Variants in SLC25A32 observed in about 807,000 individuals in gnomAD.
SLC25A32 encodes the protein solute carrier family 25 member 32.
SLC25A32 carries 32 observed loss-of-function variants against 39.0 expected under a neutral mutation model. The observed-to-expected ratio is 0.82, with a 90% CI of 0.62 to 1.10. The LOEUF (loss-of-function observed/expected upper bound fraction) is 1.10, where lower values mean the gene tolerates loss of function less well. SLC25A32 is among the 50% of genes least tolerant of loss of function. The pLI, the probability that SLC25A32 is intolerant of heterozygous loss-of-function variation, is 0.00. For missense variants in SLC25A32, 367 were observed against 395.3 expected (o/e 0.93, Z 0.61); for synonymous variants, 166 against 152.4 (o/e 1.09, Z -0.66).
intron 2 of SLC25A32, among the ~76,000 whole-genome samples, chr8:103,406,681 T>C (rs567917292): frequency 6.6e-6 from 1 of 152,346 alleles, no homozygotes; most frequent in African/African-American, 2.4e-5. Flanking sequence ...TCAAACCCTT[T>C]AGGCCATGCA....
At chr8:103,407,867 T>C in intron 1 of SLC25A32, 83 bp from the exon 2 acceptor site, 4 of 1,156,900 alleles carry the variant, frequency 3.5e-6, no homozygotes, top group East Asian at 2.7e-5. Context: ...GTACAATTGG[T>C]TATATAAAGG....
intron 3 of SLC25A32, among the ~76,000 whole-genome samples, 163 bp from the exon 4 acceptor site, chr8:103,403,487 T>C (rs1816264259): frequency 6.6e-6 from 1 of 152,066 alleles, no homozygotes; most frequent in Admixed American, 6.6e-5. Flanking sequence ...GGCACAGTCT[T>C]AGGGTCAAAA....
At chr8:103,411,078 A>G (rs1816453931) in intron 1 of SLC25A32, among the ~76,000 whole-genome samples, 1 of 152,232 alleles carries the variant, frequency 6.6e-6, no homozygotes, top group East Asian at 1.9e-4. Flanking sequence ...AATTGAAAAC[A>G]AATATAAATG....
At chr8:103,407,159 A>G (rs1057470500) in intron 2 of SLC25A32, among the ~76,000 whole-genome samples, 1 of 152,230 alleles carries the variant, frequency 6.6e-6, no homozygotes, top group Non-Finnish European at 1.5e-5. Context: ...AACACCTAAT[A>G]AAACACCGAT....
At chr8:103,404,564 C>T (rs1468372099) in intron 3 of SLC25A32, among the ~76,000 whole-genome samples, 1 of 151,636 alleles carries the variant, frequency 6.6e-6, no homozygotes, top group Non-Finnish European at 1.5e-5. Context: ...CACCGCACTC[C>T]AGCCTGGGCG....
intron 4 of SLC25A32, 72 bp from the exon 5 acceptor site, chr8:103,402,126 T>C: frequency 1.1e-6 from 1 of 947,968 alleles, no homozygotes; most frequent in Non-Finnish European, 1.6e-6. Flanking sequence ...TAAAATACTT[T>C]CTCTTCTCTC....
chr8:103,411,537 T>G (rs939488591), intron 1 of SLC25A32, among the ~76,000 whole-genome samples: 2 of 152,174 alleles, frequency 1.3e-5, no homozygotes, highest in Admixed American at 1.3e-4. Flanking sequence ...CTCTCTTTCT[T>G]AGGAACCCCT....
rs58554324 is a variant in SLC25A32, at chr8:103,407,970, T to C, written c.155-186A>G. Among the ~76,000 whole-genome samples the C allele has an allele frequency of 3.4e-5, 5 of 147,142 alleles. No homozygotes were observed. In the South Asian group the frequency reaches 1.1e-3, roughly 31 times the overall value. The stretch of plus-strand genomic sequence containing the variant: ...ACATATATATATAAATATATATATA[T>C]ATAAATATGTAAAATATACATTTTT... On this transcript the variant is annotated intron_variant, in intron 1 of 6. Transcript: ENST00000297578.
chr8:103,406,777 C>T (rs953035591), intron 2 of SLC25A32, among the ~76,000 whole-genome samples: 67 of 152,164 alleles, frequency 4.4e-4, no homozygotes, highest in African/African-American at 1.6e-3. Context: ...TCTGTTTTTC[C>T]ACCTTCATCA....
At chr8:103,401,778 A>G in intron 5 of SLC25A32, 117 bp from the exon 6 acceptor site, 2 of 1,050,490 alleles carry the variant, frequency 1.9e-6, no homozygotes, top group Non-Finnish European at 2.7e-6. Flanking sequence ...TATTTTTGAC[A>G]TTTGTGTGGC....
At chr8:103,414,593 T>C in intron 1 of SLC25A32, 191 bp downstream of exon 1, 1 of 719,788 alleles carries the variant, frequency 1.4e-6, no homozygotes, top group Non-Finnish European at 2.2e-6. Flanking sequence ...CTCTTAGTCT[T>C]GAGGAGCGGG....
chr8:103,414,681 CT>C lies in SLC25A32; in HGVS notation c.154+102del, dbSNP rs5893654. On this transcript the variant is annotated intron_variant, in intron 1 of 6. Transcript: ENST00000297578. ...AGGTTAGCCAACGCGGACAGCAACG[CT>C]CCCTTCAACGCTCCTCCTCCCCCTA... is the stretch of plus-strand genomic sequence containing the variant. The C allele has an allele frequency of 3.3e-6, 5 of 1,511,316 alleles. No individual in the cohort carries two copies. In the East Asian group the frequency reaches 1.2e-4, roughly 35 times the overall value. 93.6% of individuals were successfully genotyped at this position (1,511,316 alleles called of 1,614,324 possible). A position where few individuals can be genotyped will look rare whatever the true frequency, so the allele number is the denominator to read the frequency against.
Position 103,402,034 on chromosome 8 carries a change from A to T in SLC25A32, c.573T>A (p.Phe191Leu). 6.2e-7 allele frequency: 1 copy of T among 1,612,394 alleles called. No individual in the cohort carries two copies. The highest frequency in any genetic ancestry group is 8.5e-7 in the Non-Finnish European group (1 of 1,179,088). ...ACTGAAGGGCACCATGCGATGTTCC[A>T]AACAGCCCAGGAACAAATCCCTACA... is the stretch of plus-strand genomic sequence containing the variant. ...GLYKGFVPGL[F>L]GTSHGALQFM... Residue 191 changes from phenylalanine to leucine, a missense_variant, in exon 5 of 7, where the codon TTT becomes TTA. Physicochemically the swap from Phe to Leu is conservative, Grantham distance 22 (BLOSUM62 0). Coordinates refer to ENST00000297578, the MANE Select transcript of SLC25A32 (RefSeq NM_030780.5).
At chr8:103,413,253 C>T (rs988620889) in intron 1 of SLC25A32, among the ~76,000 whole-genome samples, 1 of 152,256 alleles carries the variant, frequency 6.6e-6, no homozygotes, top group Non-Finnish European at 1.5e-5. Context: ...TCGACTATCA[C>T]CTCTTCTGCT....
chr8:103,406,065 G>GTGTGTGTA (rs372284581), intron 2 of SLC25A32, among the ~76,000 whole-genome samples: 13 of 144,242 alleles, frequency 9.0e-5, no homozygotes, highest in Admixed American at 3.5e-4. Flanking sequence ...GTGTGTGTGT[G>GTGTGTGTA]TATATATATA....
chr8:103,410,442 C>G (rs1816441387), intron 1 of SLC25A32, among the ~76,000 whole-genome samples: 1 of 152,182 alleles, frequency 6.6e-6, no homozygotes, highest in Admixed American at 6.5e-5. Flanking sequence ...TGGGTTCTTA[C>G]AGAATCTCGA....
intron 1 of SLC25A32, among the ~76,000 whole-genome samples, chr8:103,413,788 G>A (rs1339746026): frequency 6.6e-6 from 1 of 152,120 alleles, no homozygotes; most frequent in Non-Finnish European, 1.5e-5. Context: ...CCTTCTATGG[G>A]AAACCCCAAG....
At position 103,401,922 on chromosome 8, in the gene SLC25A32, T is replaced by G; in HGVS notation, c.666+19A>C. The G allele has an allele frequency of 6.3e-7, 1 of 1,580,762 alleles. No homozygotes were observed. Among genetic ancestry groups the G allele is most frequent in the Non-Finnish European group, 8.6e-7 (1 of 1,159,652 alleles). On this transcript the variant is annotated intron_variant, in intron 5 of 6. Coordinates refer to ENST00000297578, the MANE Select transcript of SLC25A32 (RefSeq NM_030780.5). The stretch of plus-strand genomic sequence containing the variant: ...ACCCATAAAAGGAAATGATATCATT[T>G]TTACAAGAATAATCTTACCAACTGG...
At chr8:103,409,922 T>C (rs903235315) in intron 1 of SLC25A32, among the ~76,000 whole-genome samples, 1 of 152,178 alleles carries the variant, frequency 6.6e-6, no homozygotes, top group Admixed American at 6.5e-5. Context: ...TCACCGGGTT[T>C]TTTGAGGTTT....
Sources: allele counts gnomAD v4.1 joint callset (sites outside exome capture counted in the v4.1 genomes callset), GRCh38; gene constraint gnomAD v4.1.1; transcripts MANE v1.5; gene names NCBI Gene and HGNC (gene_info 2026-07-23, HGNC 2026-07-21).